Variants in GPHN observed in about 807,000 individuals in gnomAD.
The protein encoded by GPHN is gephyrin.
A neutral mutation model predicts 95.5 loss-of-function variants in GPHN; 17 were observed. That is an observed-to-expected ratio of 0.18 (90% confidence interval 0.12 to 0.27). The LOEUF is 0.27. Among genes scored for constraint, GPHN ranks in the 10% least tolerant of loss-of-function variants. The probability of loss-of-function intolerance (pLI) is 1.00; values close to 1 mark genes in which losing one functional copy is unlikely to be tolerated. For missense variants in GPHN, 660 were observed against 978.1 expected (o/e 0.67, Z 4.34); for synonymous variants, 320 against 322.5 (o/e 0.99, Z 0.08).
chr14:67,349,056 C>T, the GPHN span: 8 of 1,614,016 alleles, frequency 5.0e-6, no homozygotes, highest in Admixed American at 5.0e-5. Flanking sequence ...TATCTTTCTT[C>T]GCTCGAATCT....
the GPHN span, among the ~76,000 whole-genome samples, chr14:67,697,390 C>T: frequency 1.3e-5 from 2 of 152,102 alleles, no homozygotes; most frequent in Admixed American, 1.3e-4. Context: ...AGAGGAAAGA[C>T]CCCACCTGAG....
At chr14:67,006,785 A>G (rs535565561) in intron 9 of GPHN, among the ~76,000 whole-genome samples, 1 of 152,284 alleles carries the variant, frequency 6.6e-6, no homozygotes, top group Non-Finnish European at 1.5e-5. Context: ...GGAAAGAGAA[A>G]AAAAGGATGC....
chr14:67,269,474 A>G, the GPHN span, among the ~76,000 whole-genome samples: 1 of 152,238 alleles, frequency 6.6e-6, no homozygotes, highest in East Asian at 1.9e-4. Flanking sequence ...GAAAGTTTCC[A>G]TTTGACATTC....
At chr14:66,958,551 G>A (rs2068686316) in intron 8 of GPHN, among the ~76,000 whole-genome samples, 1 of 152,170 alleles carries the variant, frequency 6.6e-6, no homozygotes, top group Non-Finnish European at 1.5e-5. Context: ...AAATGGTATA[G>A]CCTGTTGTTC....
At chr14:66,923,370 T>TTTTTTTTTTTTTTTTTTTTTTTTTG (rs1223564029) in intron 7 of GPHN, among the ~76,000 whole-genome samples, 1 of 152,170 alleles carries the variant, frequency 6.6e-6, no homozygotes, top group African/African-American at 2.4e-5. Flanking sequence ...TAAAGATTTT[T>TTTTTTTTTTTTTTTTTTTTTTTTTG]AAAGGGACAA....
At chr14:67,449,235 G>A in the GPHN span, among the ~76,000 whole-genome samples, 4 of 152,188 alleles carry the variant, frequency 2.6e-5, no homozygotes, top group Non-Finnish European at 5.9e-5. Context: ...CATTCAGTCT[G>A]GCCAAGAGGA....
At chr14:66,639,427 T>G (rs569077691) in intron 1 of GPHN, among the ~76,000 whole-genome samples, 3 of 152,164 alleles carry the variant, frequency 2.0e-5, no homozygotes, top group Admixed American at 1.3e-4. Flanking sequence ...GTGTCTCTGG[T>G]TCATACATGA....
chr14:67,228,327 T>G, the GPHN span: 1 of 464,566 alleles, frequency 2.2e-6, no homozygotes, highest in Non-Finnish European at 2.8e-6. Flanking sequence ...ATTTTACCTG[T>G]ATTTAGTTCA....
intron 2 of GPHN, among the ~76,000 whole-genome samples, chr14:66,757,170 A>T (rs907032034): frequency 1.3e-5 from 2 of 152,164 alleles, no homozygotes; most frequent in Non-Finnish European, 2.9e-5. Context: ...TGAAAAAATT[A>T]AAACTCATTG....
At position 67,143,438 on chromosome 14, in the gene GPHN, A is replaced by G. The variant is rs757300621; in HGVS notation, c.1825A>G (p.Met609Val). 3 of 1,589,702 alleles carry G rather than the reference A, an allele frequency of 1.9e-6. No homozygotes were observed. The highest frequency in any genetic ancestry group is 2.2e-5 in the East Asian group (1 of 44,756). ...CATCATCACATCAGGGGGTGTATCC[A>G]TGGGGGAAAAGGTATGAAAGATAGG... ...DVIITSGGVSMGEKDYLKQVL... is the reference protein window; with the variant it reads ...DVIITSGGVSVGEKDYLKQVL... Residue 609 changes from methionine (M) to valine (V), a missense_variant, in exon 18 of 23, where the codon ATG (methionine) becomes GTG (valine). Physicochemically the swap from Met to Val is conservative, Grantham distance 21. Around this residue, in one of 6 missense-constraint regions of GPHN, gnomAD observed 257 missense variants for 376.2 expected, o/e 0.68. Transcript: ENST00000478722.
At position 67,099,308 on chromosome 14, in the gene GPHN, G is replaced by A. The variant is rs575698620; in HGVS notation, c.1238-1548G>A. 3.9e-5 allele frequency among the ~76,000 whole-genome samples: 6 copies of A among 152,090 alleles called. No homozygotes were observed. The South Asian group carries it at 1.2e-3, about 32-fold the overall frequency. ...TATTTTATTTTGTATTTTTAGTAGA[G>A]ACGAGGTTTCTCCATGTTGGTCAGG... On this transcript the variant is annotated intron_variant, in intron 12 of 22. Coordinates refer to ENST00000478722, the MANE Select transcript of GPHN (RefSeq NM_020806.5).
chr14:67,415,915 G>A, the GPHN span, among the ~76,000 whole-genome samples: 1 of 152,190 alleles, frequency 6.6e-6, no homozygotes, highest in South Asian at 2.1e-4. Context: ...CTTGTATGTG[G>A]GAGCTGGACA....
the GPHN span, among the ~76,000 whole-genome samples, chr14:67,494,868 T>C: frequency 1.3e-5 from 2 of 152,102 alleles, no homozygotes; most frequent in East Asian, 3.8e-4. Flanking sequence ...TCCCAGCGCT[T>C]TGAGAGGCTG....
intron 21 of GPHN, among the ~76,000 whole-genome samples, chr14:67,178,264 C>G (rs1463201457): frequency 2.0e-5 from 3 of 152,154 alleles, no homozygotes; most frequent in African/African-American, 7.2e-5. Flanking sequence ...CTGGTGATGA[C>G]AAGGCTCCCA....
chr14:67,025,011 C>A (rs1019430440), intron 10 of GPHN, among the ~76,000 whole-genome samples: 2 of 152,056 alleles, frequency 1.3e-5, no homozygotes, highest in Non-Finnish European at 2.9e-5. Flanking sequence ...AAAATAAATT[C>A]CTCTGAGCCC....
At chr14:67,005,536 A>G (rs1010611758) in intron 9 of GPHN, among the ~76,000 whole-genome samples, 1 of 151,940 alleles carries the variant, frequency 6.6e-6, no homozygotes, top group Admixed American at 6.6e-5. Context: ...GTATAGTTAC[A>G]TGTATTTGAT....
chr14:66,904,739 A>G (rs1448372438), intron 5 of GPHN, among the ~76,000 whole-genome samples: 1 of 151,898 alleles, frequency 6.6e-6, no homozygotes, highest in Non-Finnish European at 1.5e-5. Context: ...CCAGAGGGGA[A>G]CTCTCTAGGC....
intron 3 of GPHN, among the ~76,000 whole-genome samples, chr14:66,807,350 G>A (rs929620607): frequency 1.3e-5 from 2 of 152,142 alleles, no homozygotes; most frequent in African/African-American, 4.8e-5. Flanking sequence ...TATGCAGTAG[G>A]TATAATTATT....
chr14:66,956,977 G>T (rs2068553043), intron 8 of GPHN, among the ~76,000 whole-genome samples: 1 of 108,504 alleles, frequency 9.2e-6, no homozygotes, highest in Admixed American at 1.1e-4. Flanking sequence ...GGTGGGGGGA[G>T]GGGGGAGGGA....
Sources: gnomAD v4.1 joint callset for allele counts (sites outside exome capture counted in the v4.1 genomes callset) on GRCh38, gnomAD v4.1.1 for gene constraint, gnomAD v4.1.1 regional missense constraint, MANE v1.5 for transcripts, NCBI Gene and HGNC (gene_info 2026-07-23, HGNC 2026-07-21) for gene names.